SLC2A9: variants seen among roughly 807,000 people sequenced by gnomAD.
SLC2A9 encodes the protein solute carrier family 2, facilitated glucose transporter member 9.
A neutral mutation model predicts 50.6 loss-of-function variants in SLC2A9; 39 were observed. The observed-to-expected ratio is 0.77, with a 90% CI of 0.60 to 1.01. The LOEUF (loss-of-function observed/expected upper bound fraction) is 1.01, where lower values mean the gene tolerates loss of function less well. Ranked by LOEUF, SLC2A9 falls within the 50% of genes least tolerant of loss-of-function variation. The probability of loss-of-function intolerance (pLI) is 0.00; values close to 1 mark genes in which losing one functional copy is unlikely to be tolerated. For synonymous variants in SLC2A9, 324 were observed against 276.9 expected (o/e 1.17, Z -1.69); for missense variants, 686 against 677.6 (o/e 1.01, Z -0.14).
chr4:9,904,824 T>C (rs1215042106), intron 8 of SLC2A9, among the ~76,000 whole-genome samples: 1 of 152,200 alleles, frequency 6.6e-6, no homozygotes, highest in Non-Finnish European at 1.5e-5. Context: ...TTTAGTTTCA[T>C]GCCTTTCCAG....
chr4:9,973,004 C>T (rs1001490204), intron 5 of SLC2A9, among the ~76,000 whole-genome samples: 1 of 151,920 alleles, frequency 6.6e-6, no homozygotes, highest in Non-Finnish European at 1.5e-5. Context: ...ATCAATGAAA[C>T]CAAAAGTTCA....
At chr4:9,849,643 A>G (rs1367227375) in intron 10 of SLC2A9, among the ~76,000 whole-genome samples, 1 of 152,202 alleles carries the variant, frequency 6.6e-6, no homozygotes, top group Non-Finnish European at 1.5e-5. Flanking sequence ...TGGGCCATGA[A>G]AGGCCAAATT....
At chr4:9,879,379 T>C in intron 10 of SLC2A9, 5 of 976,642 alleles carry the variant, frequency 5.1e-6, no homozygotes, top group Non-Finnish European at 6.1e-6. Flanking sequence ...TATTTATGTG[T>C]GTATGTGTGT....
intron 5 of SLC2A9, among the ~76,000 whole-genome samples, chr4:9,954,910 A>C (rs1578066089): frequency 6.6e-6 from 1 of 152,080 alleles, no homozygotes; most frequent in African/African-American, 2.4e-5. Context: ...AAAAAACCTA[A>C]AACTGGTGAT....
chr4:9,888,793 A>G (rs1333125209), intron 9 of SLC2A9, among the ~76,000 whole-genome samples: 1 of 152,176 alleles, frequency 6.6e-6, no homozygotes, highest in African/African-American at 2.4e-5. Flanking sequence ...CAGAGGGCAG[A>G]CAGAGGAATG....
At chr4:9,960,307 T>G (rs1362393256) in intron 5 of SLC2A9, among the ~76,000 whole-genome samples, 2 of 152,116 alleles carry the variant, frequency 1.3e-5, no homozygotes, top group Admixed American at 6.5e-5. Context: ...GAAAATAAGT[T>G]CCCCTTCACC....
chr4:9,832,602 G>C (rs891481507), intron 11 of SLC2A9, among the ~76,000 whole-genome samples: 1 of 152,112 alleles, frequency 6.6e-6, no homozygotes, highest in Non-Finnish European at 1.5e-5. Flanking sequence ...GATTTGTTTC[G>C]AAAATGCCCA....
intron 5 of SLC2A9, among the ~76,000 whole-genome samples, chr4:9,949,852 A>G (rs181137186): frequency 3.3e-5 from 5 of 152,330 alleles, no homozygotes; most frequent in African/African-American, 1.2e-4. Flanking sequence ...CTGCACTCAC[A>G]TTCCATAGGG....
At chr4:9,819,025 G>A (rs567353070) in intron 3 of SLC2A9, among the ~76,000 whole-genome samples, 1 of 150,294 alleles carries the variant, frequency 6.7e-6, no homozygotes, top group Admixed American at 6.6e-5. Context: ...GGGAGACTGA[G>A]GCAGAATGGC....
Position 9,785,888 on chromosome 4 carries a change from G to A in SLC2A9, n.386-5823C>T, listed in dbSNP as rs1209448400. ...TTGCTATGTTGCAAAAAAACCCAGG[G>A]TGAGTAGGGTGGTGAAGCTGCTGTT... On this transcript the variant is annotated intron_variant and non_coding_transcript_variant, in intron 3 of 3. Coordinates refer to the SLC2A9 transcript ENST00000503803. Among the ~76,000 whole-genome samples the A allele has an allele frequency of 1.3e-5, 2 of 152,318 alleles. 1 individual carries two copies. Among genetic ancestry groups the A allele is most frequent in the South Asian group, 4.1e-4 (2 of 4,830 alleles).
At chr4:9,955,020 C>T (rs946569713) in intron 5 of SLC2A9, among the ~76,000 whole-genome samples, 7 of 152,148 alleles carry the variant, frequency 4.6e-5, no homozygotes, top group Non-Finnish European at 1.0e-4. Context: ...TGGCCTTCCT[C>T]TGGGAACTTT....
chr4:9,851,043 C>T (rs1213981735), intron 10 of SLC2A9, among the ~76,000 whole-genome samples: 1 of 151,892 alleles, frequency 6.6e-6, no homozygotes, highest in African/African-American at 2.4e-5. Context: ...GCAGGAACAC[C>T]ACCACCCAAC....
At chr4:9,838,540 T>G (rs1727467875) in intron 10 of SLC2A9, among the ~76,000 whole-genome samples, 1 of 152,160 alleles carries the variant, frequency 6.6e-6, no homozygotes, top group South Asian at 2.1e-4. Context: ...AGAGACTGAA[T>G]AGCCAAGGCA....
intron 3 of SLC2A9, among the ~76,000 whole-genome samples, chr4:9,991,383 C>T (rs1055058333): frequency 6.6e-6 from 1 of 152,176 alleles, no homozygotes; most frequent in Non-Finnish European, 1.5e-5. Flanking sequence ...GTTCCTGCCC[C>T]CTGGTTGAGA....
intron 7 of SLC2A9, among the ~76,000 whole-genome samples, chr4:9,910,236 G>A (rs868142435): frequency 2.6e-5 from 4 of 152,222 alleles, no homozygotes; most frequent in African/African-American, 7.2e-5. Context: ...TTGAGTGAAC[G>A]TTAGACTCCA....
chr4:9,920,020 G>T (rs772746235), intron 7 of SLC2A9, among the ~76,000 whole-genome samples: 1 of 152,104 alleles, frequency 6.6e-6, no homozygotes, highest in Non-Finnish European at 1.5e-5. Flanking sequence ...CCAGTCAAGA[G>T]TACTTTTATG....
At chr4:9,842,065 C>T (rs549308370) in intron 10 of SLC2A9, among the ~76,000 whole-genome samples, 1 of 152,140 alleles carries the variant, frequency 6.6e-6, no homozygotes, top group Non-Finnish European at 1.5e-5. Context: ...GATATATTTC[C>T]TTGTTTGGTT....
chr4:10,032,995 C>G (rs1763984575), intron 1 of SLC2A9, among the ~76,000 whole-genome samples: 1 of 152,174 alleles, frequency 6.6e-6, no homozygotes, highest in Non-Finnish European at 1.5e-5. Context: ...AAGCCGGGCA[C>G]TGCCGAGCTG....
rs181694794 is a variant in SLC2A9, at chr4:10,028,302, C to T, written c.-40-2296G>A. On this transcript the variant is annotated intron_variant, in intron 1 of 12. Transcript: ENST00000309065. Reference sequence around the variant, plus strand: ...TTTTCATGAGAAAAGCCCATAAATGCGAATGCAGCACTCGAGGTCCCCTCA... The same window carrying T: ...TTTTCATGAGAAAAGCCCATAAATGTGAATGCAGCACTCGAGGTCCCCTCA... Among the ~76,000 whole-genome samples the T allele has an allele frequency of 3.2e-4, 48 of 152,316 alleles. No homozygotes were observed. The East Asian group carries it at 6.4e-3, about 20-fold the overall frequency.
Sources: allele counts gnomAD v4.1 joint callset (sites outside exome capture counted in the v4.1 genomes callset), GRCh38; gene constraint gnomAD v4.1.1; transcripts MANE v1.5; gene names NCBI Gene and HGNC (gene_info 2026-07-23, HGNC 2026-07-21).